Variants in AFF4 observed in about 807,000 individuals in gnomAD.
The protein encoded by AFF4 is ALF transcription elongation factor 4, also known as AF4/FMR2 family member 4.
A neutral mutation model predicts 124.8 loss-of-function variants in AFF4; 13 were observed. That is an observed-to-expected ratio of 0.10 (90% CI 0.07 to 0.17). The LOEUF (loss-of-function observed/expected upper bound fraction) is 0.17, where lower values mean the gene tolerates loss of function less well. AFF4 is among the 10% of genes least tolerant of loss of function. The pLI is 1.00. For missense variants in AFF4, 1,092 were observed against 1,403.8 expected (o/e 0.78, Z 3.55); for synonymous variants, 477 against 496.1 (o/e 0.96, Z 0.51).
At chr5:132,937,433 A>G (rs1319221879) in intron 1 of AFF4, among the ~76,000 whole-genome samples, 1 of 152,188 alleles carries the variant, frequency 6.6e-6, no homozygotes, top group Non-Finnish European at 1.5e-5. Context: ...CCAACAAAAC[A>G]CTTAACCTTA....
chr5:132,959,626 G>A (rs1332919720), intron 1 of AFF4, among the ~76,000 whole-genome samples: 1 of 152,074 alleles, frequency 6.6e-6, no homozygotes, highest in Non-Finnish European at 1.5e-5. Flanking sequence ...AAGACAAACA[G>A]GAATGCAGAT....
intron 13 of AFF4, 68 bp downstream of exon 13, chr5:132,892,096 T>G: frequency 1.2e-6 from 2 of 1,610,296 alleles, no homozygotes; most frequent in Non-Finnish European, 1.7e-6. Flanking sequence ...CAAAGCACAG[T>G]GTCACCCTGG....
At chr5:132,898,812 G>A (rs1012750450) in intron 9 of AFF4, among the ~76,000 whole-genome samples, 6 of 152,262 alleles carry the variant, frequency 3.9e-5, no homozygotes, top group Admixed American at 3.3e-4. Context: ...TTTACTATGT[G>A]TTAGACTGCT....
At chr5:132,905,287 A>G (rs1027902111) in intron 5 of AFF4, among the ~76,000 whole-genome samples, 1 of 152,170 alleles carries the variant, frequency 6.6e-6, no homozygotes, top group African/African-American at 2.4e-5. Context: ...TGGCTTTCCA[A>G]ACTCAATTTT....
intron 7 of AFF4, chr5:132,900,970 A>G: frequency 2.0e-6 from 2 of 985,340 alleles, no homozygotes; most frequent in Non-Finnish European, 2.4e-6. Context: ...TTTAACCAAC[A>G]TTTCTATATC....
At chr5:132,902,522 A>G (rs765640441) in intron 6 of AFF4, 35 bp from the exon 7 acceptor site, 2 of 1,483,784 alleles carry the variant, frequency 1.3e-6, no homozygotes, top group South Asian at 2.3e-5. Flanking sequence ...CAACTAAAGG[A>G]TGGCTATTTA....
chr5:132,875,428 A>G lies in AFF4; in HGVS notation c.*5631T>C, dbSNP rs1363083253. On this transcript the variant is annotated 3_prime_UTR_variant, in exon 21 of 21. Coordinates refer to ENST00000265343, the MANE Select transcript of AFF4 (RefSeq NM_014423.4). ...AGAAAATCTATTTGATATTTATTAAACTTAGTTTCTCCAACTATGGTTTGG... is the reference window on the plus strand; with the variant it reads ...AGAAAATCTATTTGATATTTATTAAGCTTAGTTTCTCCAACTATGGTTTGG... The G allele has an allele frequency of 5.5e-6, 1 of 180,334 alleles. No homozygotes were observed. Among genetic ancestry groups the G allele is most frequent in the Admixed American group, 6.3e-5 (1 of 15,882 alleles). 11.2% of individuals were successfully genotyped at this position (180,334 alleles called of 1,614,324 possible). A position where few individuals can be genotyped will look rare whatever the true frequency, so the allele number is the denominator to read the frequency against.
chr5:132,936,266 C>CAAAAAAAAAAAAAA (rs747936348), intron 2 of AFF4, among the ~76,000 whole-genome samples: 6 of 45,460 alleles, frequency 1.3e-4, no homozygotes, highest in African/African-American at 5.3e-4. Flanking sequence ...GACTCCGTCT[C>CAAAAAAAAAAAAAA]AAAAAAAAAA....
chr5:132,897,856 A>G (rs1426955274), intron 10 of AFF4, among the ~76,000 whole-genome samples: 1 of 152,228 alleles, frequency 6.6e-6, no homozygotes, highest in Non-Finnish European at 1.5e-5. Flanking sequence ...TGTAGGTACA[A>G]AGAGATTTTT....
chr5:132,905,698 T>C (rs979577808), intron 5 of AFF4, among the ~76,000 whole-genome samples: 1 of 152,044 alleles, frequency 6.6e-6, no homozygotes, highest in Non-Finnish European at 1.5e-5. Flanking sequence ...CAAAGACCTA[T>C]AAATGTAAAA....
rs1453026668 is a variant in AFF4, at chr5:132,896,845, G to A, written c.1785C>T (p.Ser595=). Residue 595 remains serine, a synonymous_variant, in exon 11 of 21, where the codon AGC becomes AGT. Coordinates refer to ENST00000265343, the MANE Select transcript of AFF4 (RefSeq NM_014423.4). ...ESETPVDLAS[S]MPSSRHKAAT... ...CTGCTTTGTGTCTGCTGGAGGGCAT[G>A]CTGCTAGCCAAGTCTACAGGGGTTT... The A allele has an allele frequency of 6.2e-7, 1 of 1,613,906 alleles. No homozygotes were observed. The highest frequency in any genetic ancestry group is 8.5e-7 in the Non-Finnish European group (1 of 1,179,996).
chr5:132,900,786 T>C (rs1421474193), intron 7 of AFF4: 1 of 844,426 alleles, frequency 1.2e-6, no homozygotes, highest in East Asian at 1.2e-4. Context: ...CTTGTCTTTT[T>C]ACATGGGAGG....
Position 132,934,253 on chromosome 5 carries a change from G to T in AFF4, c.812C>A (p.Ser271Tyr). The T allele has an allele frequency of 6.2e-7, 1 of 1,614,176 alleles. No homozygotes were observed. The highest frequency in any genetic ancestry group is 8.5e-7 in the Non-Finnish European group (1 of 1,180,034). ...GGATTGGCTGCTGTAGTGCTCAGAGGACAGCTTTGGTTCCATGGACTCCTG... is the reference window on the plus strand; with the variant it reads ...GGATTGGCTGCTGTAGTGCTCAGAGTACAGCTTTGGTTCCATGGACTCCTG... Reference protein sequence around the residue: ...DGQESMEPKLSSEHYSSQSHG... With the variant: ...DGQESMEPKLYSEHYSSQSHG... The change falls in exon 3 of 21, where the codon TCC becomes TAC. Residue 271 changes from serine to tyrosine, a missense_variant. By Grantham distance (144) the Ser-to-Tyr change is moderately radical. Around this residue, in one of 11 missense-constraint regions of AFF4, gnomAD observed 148 missense variants for 196.3 expected, o/e 0.75. Transcript: ENST00000265343.
chr5:132,905,073 C>T (rs1581287891), intron 5 of AFF4, among the ~76,000 whole-genome samples: 2 of 150,726 alleles, frequency 1.3e-5, no homozygotes, highest in East Asian at 3.9e-4. Flanking sequence ...AAAAGTATAC[C>T]ACTTTTATGG....
intron 5 of AFF4, among the ~76,000 whole-genome samples, chr5:132,919,764 C>T (rs1006059397): frequency 1.2e-4 from 19 of 152,076 alleles, no homozygotes; most frequent in Admixed American, 1.2e-3. Flanking sequence ...GCATGAGAAT[C>T]GCTTGAGCCC....
intron 13 of AFF4, among the ~76,000 whole-genome samples, chr5:132,890,294 G>A (rs973410652): frequency 1.4e-4 from 21 of 152,006 alleles, no homozygotes; most frequent in African/African-American, 4.8e-4. Flanking sequence ...GTTTGAGAAA[G>A]GGTCTCACTC....
chr5:132,938,710 G>A (rs1463906429), intron 1 of AFF4, among the ~76,000 whole-genome samples: 1 of 151,830 alleles, frequency 6.6e-6, no homozygotes, highest in African/African-American at 2.4e-5. Context: ...TTGGGAGGCC[G>A]AGGTGGGCAG....
At position 132,876,769 on chromosome 5, in the gene AFF4, G is replaced by A. The variant is rs1290445046; in HGVS notation, c.*4290C>T. The A allele has an allele frequency of 5.1e-6, 1 of 198,000 alleles. No individual in the cohort carries two copies. The highest frequency in any genetic ancestry group is 7.9e-5 in the East Asian group (1 of 12,714). The allele number at this position is 198,000 out of a possible 1,614,324, so 12.3% of individuals were successfully genotyped here. On this transcript the variant is annotated 3_prime_UTR_variant, in exon 21 of 21. Coordinates refer to ENST00000265343, the MANE Select transcript of AFF4 (RefSeq NM_014423.4). Reference sequence around the variant, plus strand: ...GTTCATGTGAATAGGAGCTTTGTAAGACCAGCATCCACTTTACAGACTATT... The same window carrying A: ...GTTCATGTGAATAGGAGCTTTGTAAAACCAGCATCCACTTTACAGACTATT...
intron 3 of AFF4, 90 bp from the exon 4 acceptor site, chr5:132,932,312 A>G: frequency 9.6e-7 from 1 of 1,037,880 alleles, no homozygotes; most frequent in Non-Finnish European, 1.4e-6. Context: ...AAAAGTATTT[A>G]TGACCCCACT....
Sources: allele counts gnomAD v4.1 joint callset (sites outside exome capture counted in the v4.1 genomes callset), GRCh38; gene constraint gnomAD v4.1.1; regional missense constraint gnomAD v4.1.1; transcripts MANE v1.5; gene names NCBI Gene and HGNC (gene_info 2026-07-23, HGNC 2026-07-21).